FRAS1: variants seen among roughly 807,000 people sequenced by gnomAD.
FRAS1 encodes the protein Fraser extracellular matrix complex subunit 1, also known as extracellular matrix organizing protein FRAS1.
Under a neutral mutation model 435.2 loss-of-function variants are expected in FRAS1, and 290 were observed. The observed-to-expected ratio is 0.67, with a 90% CI of 0.61 to 0.73. The LOEUF (loss-of-function observed/expected upper bound fraction) is 0.73, where lower values mean the gene tolerates loss of function less well. FRAS1 is among the 30% of genes least tolerant of loss of function. The pLI is 0.00. For missense variants in FRAS1, 4,860 were observed against 5,001.5 expected (o/e 0.97, Z 0.85); for synonymous variants, 1,800 against 1,851.0 (o/e 0.97, Z 0.71).
chr4:78,525,208 T>C (rs1394800167), intron 69 of FRAS1, among the ~76,000 whole-genome samples: 2 of 152,204 alleles, frequency 1.3e-5, no homozygotes, highest in Non-Finnish European at 2.9e-5. Context: ...ATAGAGCTAG[T>C]CACAATCTAG....
At chr4:78,412,134 G>T (rs1455962818) in intron 31 of FRAS1, among the ~76,000 whole-genome samples, 1 of 149,782 alleles carries the variant, frequency 6.7e-6, no homozygotes, top group Non-Finnish European at 1.5e-5. Context: ...GGCATCTGAT[G>T]TGATCAAGAT....
At chr4:78,068,857 A>G (rs1192131590) in intron 2 of FRAS1, among the ~76,000 whole-genome samples, 2 of 152,174 alleles carry the variant, frequency 1.3e-5, no homozygotes, top group African/African-American at 2.4e-5. Context: ...TAGATGATGC[A>G]TTGTGGACTT....
intron 2 of FRAS1, among the ~76,000 whole-genome samples, chr4:78,225,205 T>C (rs1578194866): frequency 6.6e-6 from 1 of 152,178 alleles, no homozygotes; most frequent in Non-Finnish European, 1.5e-5. Context: ...GACATTCCTC[T>C]AGGATTGATT....
chr4:78,264,402 A>G (rs1726253696), intron 6 of FRAS1, among the ~76,000 whole-genome samples: 1 of 152,022 alleles, frequency 6.6e-6, no homozygotes, highest in East Asian at 1.9e-4. Context: ...GATATGAGTG[A>G]TTTTTTTTCA....
intron 14 of FRAS1, among the ~76,000 whole-genome samples, chr4:78,289,476 T>C (rs960650465): frequency 3.9e-5 from 6 of 152,188 alleles, no homozygotes; most frequent in African/African-American, 9.7e-5. Flanking sequence ...CACTAGCCTG[T>C]TTTTATATGA....
Position 78,108,826 on chromosome 4 carries a change from G to A in FRAS1, c.108+42810G>A, listed in dbSNP as rs534201730. Among the ~76,000 whole-genome samples the A allele has an allele frequency of 2.7e-4, 34 of 124,780 alleles. 6 individuals are homozygous for A. The East Asian group carries it at 4.0e-3, about 15-fold the overall frequency. 81.9% of individuals were successfully genotyped at this position (124,780 alleles called of 152,430 possible). The stretch of plus-strand genomic sequence containing the variant: ...GAATCCAGGAGCTGGTTTTTTGAAA[G>A]GATCAACAAAATTGATAGACCGCTA... On this transcript the variant is annotated intron_variant, in intron 2 of 73. Transcript: ENST00000512123.
Position 78,337,701 on chromosome 4 carries a change from A to T in FRAS1, c.2306A>T (p.His769Leu), listed in dbSNP as rs747140663. The change falls in exon 20 of 74, where the codon CAT (histidine) becomes CTT (leucine). Residue 769 changes from histidine (H) to leucine (L), a missense_variant. Transcript: ENST00000512123. ...TECHPTCRQC[H>L]GPLESDCISC... Reference sequence around the variant, plus strand: ...TGTCACCCAACCTGCAGGCAGTGTCATGGGCCGTTGGAGTCTGACTGCATC... The same window carrying T: ...TGTCACCCAACCTGCAGGCAGTGTCTTGGGCCGTTGGAGTCTGACTGCATC... 2.5e-6 allele frequency: 4 copies of T among 1,613,874 alleles called. No homozygotes were observed. Among genetic ancestry groups the T allele is most frequent in the Middle Eastern group, 3.3e-4 (2 of 6,062 alleles).
intron 55 of FRAS1, among the ~76,000 whole-genome samples, chr4:78,478,928 T>C (rs1719930650): frequency 6.6e-6 from 1 of 152,252 alleles, no homozygotes; most frequent in Admixed American, 6.5e-5. Flanking sequence ...TATTTTGTTT[T>C]GTCTTTCTCT....
At chr4:78,326,157 T>C (rs1244633932) in intron 18 of FRAS1, among the ~76,000 whole-genome samples, 1 of 143,744 alleles carries the variant, frequency 7.0e-6, no homozygotes, top group Non-Finnish European at 1.5e-5. Flanking sequence ...ATAAAGATCG[T>C]CTGGTGGATG....
At chr4:78,257,420 A>G (rs974843335) in intron 6 of FRAS1, among the ~76,000 whole-genome samples, 3 of 152,208 alleles carry the variant, frequency 2.0e-5, no homozygotes, top group Admixed American at 6.5e-5. Flanking sequence ...AGAATGTTAT[A>G]TACATTACAT....
chr4:78,331,098 G>C (rs531947477), intron 18 of FRAS1, among the ~76,000 whole-genome samples: 5 of 152,166 alleles, frequency 3.3e-5, no homozygotes, highest in African/African-American at 1.2e-4. Context: ...GAACCTATGT[G>C]AATATCGGGG....
rs528559282 is a variant in FRAS1, at chr4:78,112,371, A to C, written c.108+46355A>C. Among the ~76,000 whole-genome samples, 22 of 152,298 alleles carry C rather than the reference A, an allele frequency of 1.4e-4. No individual in the cohort carries two copies. The South Asian group carries it at 4.4e-3, about 30-fold the overall frequency. On this transcript the variant is annotated intron_variant, in intron 2 of 73. Coordinates refer to ENST00000512123, the MANE Select transcript of FRAS1 (RefSeq NM_025074.7). Reference sequence around the variant, plus strand: ...TTTAGACTTAACCTCTGCAATCTGTAGATCTGGAGATTCATGAGTCTGTGA... The same window carrying C: ...TTTAGACTTAACCTCTGCAATCTGTCGATCTGGAGATTCATGAGTCTGTGA...
intron 2 of FRAS1, among the ~76,000 whole-genome samples, chr4:78,193,619 G>C (rs1053822311): frequency 1.3e-4 from 20 of 151,994 alleles, no homozygotes; most frequent in Admixed American, 1.3e-3. Context: ...TTTTCCATTT[G>C]TTTGGTAGAT....
At chr4:78,084,224 G>A (rs1219544683) in intron 2 of FRAS1, among the ~76,000 whole-genome samples, 1 of 151,970 alleles carries the variant, frequency 6.6e-6, no homozygotes, top group East Asian at 1.9e-4. Context: ...TTTTATTACA[G>A]TATGTTGTTA....
chr4:78,135,318 C>T (rs1175573012), intron 2 of FRAS1, among the ~76,000 whole-genome samples: 5 of 152,052 alleles, frequency 3.3e-5, no homozygotes, highest in Admixed American at 1.3e-4. Flanking sequence ...CAGAAAATCT[C>T]CCAGTATATC....
chr4:78,104,819 G>C (rs925762542), intron 2 of FRAS1, among the ~76,000 whole-genome samples: 2 of 152,134 alleles, frequency 1.3e-5, no homozygotes, highest in Admixed American at 6.5e-5. Flanking sequence ...TTCTAGAATT[G>C]TACCCTTATT....
At chr4:78,279,333 C>T (rs1448337523) in intron 10 of FRAS1, among the ~76,000 whole-genome samples, 2 of 152,280 alleles carry the variant, frequency 1.3e-5, no homozygotes, top group East Asian at 3.9e-4. Context: ...CAGTCTTTTA[C>T]CCTGAGGCAA....
chr4:78,526,977 TA>T (rs1721554566), intron 70 of FRAS1, among the ~76,000 whole-genome samples: 1 of 152,174 alleles, frequency 6.6e-6, no homozygotes, highest in Admixed American at 6.5e-5. Flanking sequence ...CTCCCAAGTA[TA>T]ATGCCAAAGT....
intron 58 of FRAS1, among the ~76,000 whole-genome samples, chr4:78,485,417 A>G (rs1299248891): frequency 6.6e-6 from 1 of 152,192 alleles, no homozygotes; most frequent in Non-Finnish European, 1.5e-5. Context: ...AACTTAGGAA[A>G]CTGATATGTT....
Sources: gnomAD v4.1 joint callset for allele counts (sites outside exome capture counted in the v4.1 genomes callset) on GRCh38, gnomAD v4.1.1 for gene constraint, MANE v1.5 for transcripts, NCBI Gene and HGNC (gene_info 2026-07-23, HGNC 2026-07-21) for gene names.